PIK3AP1: variants seen among roughly 807,000 people sequenced by gnomAD.
PIK3AP1 encodes phosphoinositide 3-kinase adapter protein 1.
PIK3AP1 carries 21 observed loss-of-function variants against 88.1 expected under a neutral mutation model. The observed-to-expected ratio is 0.24, with a 90% CI of 0.17 to 0.34. The LOEUF is 0.34. Ranked by LOEUF, PIK3AP1 falls within the 10% of genes least tolerant of loss-of-function variation. The pLI is 1.00. For synonymous variants in PIK3AP1, 398 were observed against 400.0 expected (o/e 1.00, Z 0.06); for missense variants, 828 against 1,035.7 (o/e 0.80, Z 2.75).
At chr10:96,693,513 T>A (rs539476572) in intron 2 of PIK3AP1, among the ~76,000 whole-genome samples, 1 of 152,152 alleles carries the variant, frequency 6.6e-6, no homozygotes, top group African/African-American at 2.4e-5. Context: ...ACTAAAATGT[T>A]GAATACTTCT....
intron 2 of PIK3AP1, among the ~76,000 whole-genome samples, chr10:96,699,311 G>A (rs1193398325): frequency 2.0e-5 from 3 of 152,034 alleles, no homozygotes; most frequent in Admixed American, 6.6e-5. Context: ...CTGAACATTC[G>A]AAATCTGTGT....
At chr10:96,665,779 A>C (rs541414245) in intron 2 of PIK3AP1, among the ~76,000 whole-genome samples, 1 of 152,312 alleles carries the variant, frequency 6.6e-6, no homozygotes, top group African/African-American at 2.4e-5. Flanking sequence ...AGAAGGGGGC[A>C]GGATGATATG....
intron 14 of PIK3AP1, among the ~76,000 whole-genome samples, chr10:96,605,448 C>T (rs1355268306): frequency 2.0e-5 from 3 of 152,086 alleles, no homozygotes; most frequent in Non-Finnish European, 4.4e-5. Context: ...TAGAAGAAAG[C>T]CCAGGACATG....
At chr10:96,616,328 G>A (rs1849214667) in intron 13 of PIK3AP1, among the ~76,000 whole-genome samples, 1 of 152,218 alleles carries the variant, frequency 6.6e-6, no homozygotes. Flanking sequence ...TTGCCAAGGG[G>A]AGAGTCAGAT....
chr10:96,641,610 AG>A (rs1843390562), intron 8 of PIK3AP1, among the ~76,000 whole-genome samples: 2 of 152,192 alleles, frequency 1.3e-5, no homozygotes, highest in Admixed American at 1.3e-4. Context: ...TGCAGACCCT[AG>A]AAGGGCAGGC....
chr10:96,709,815 A>C lies in PIK3AP1; in HGVS notation c.182T>G (p.Phe61Cys), dbSNP rs1295938169. The change falls in exon 2 of 17, where the codon TTC becomes TGC. Residue 61 changes from phenylalanine (F) to cysteine (C), a missense_variant. Around this residue, in one of 3 missense-constraint regions of PIK3AP1, gnomAD observed 610 missense variants for 760.1 expected, o/e 0.80. Coordinates refer to ENST00000339364, the MANE Select transcript of PIK3AP1 (RefSeq NM_152309.3). ...ASFSAEDLSL[F>C]LSTRCVVVLL... ...CACCACGACACAGCGGGTGCTGAGGAAAAGGCTTAGGTCCTCTGCCGAGAA... is the reference window on the plus strand; with the variant it reads ...CACCACGACACAGCGGGTGCTGAGGCAAAGGCTTAGGTCCTCTGCCGAGAA... The C allele has an allele frequency of 1.9e-6, 3 of 1,613,728 alleles. No individual in the cohort carries two copies. Among genetic ancestry groups the C allele is most frequent in the South Asian group, 1.1e-5 (1 of 91,058 alleles).
intron 2 of PIK3AP1, among the ~76,000 whole-genome samples, chr10:96,657,219 C>T (rs1184922364): frequency 6.6e-6 from 1 of 152,054 alleles, no homozygotes; most frequent in Non-Finnish European, 1.5e-5. Flanking sequence ...AATGGGTTTC[C>T]GGAAGCTTTA....
At chr10:96,598,363 G>A (rs1848819146) in intron 16 of PIK3AP1, among the ~76,000 whole-genome samples, 1 of 152,040 alleles carries the variant, frequency 6.6e-6, no homozygotes, top group Non-Finnish European at 1.5e-5. Flanking sequence ...GGCCAAGAGT[G>A]TGAAGTTTCT....
In PIK3AP1 at chr10:96,683,559, A is replaced by C. The variant is rs545975625; in HGVS notation, c.430+26008T>G. Among the ~76,000 whole-genome samples the C allele has an allele frequency of 1.2e-4, 19 of 152,322 alleles. No individual in the cohort carries two copies. The South Asian group carries it at 2.1e-3, about 17-fold the overall frequency. On this transcript the variant is annotated intron_variant, in intron 2 of 16. Transcript: ENST00000339364. ...TCATCACTTCTATACATCTCATTCC[A>C]TTGCTACTTAGAATCCCAGAAACTG... is the stretch of plus-strand genomic sequence containing the variant.
intron 16 of PIK3AP1, among the ~76,000 whole-genome samples, chr10:96,597,250 C>CTTTT (rs1436451533): frequency 1.3e-5 from 2 of 150,132 alleles, no homozygotes; most frequent in African/African-American, 4.9e-5. Flanking sequence ...TCTCTGCCTT[C>CTTTT]TTTTTTTCTT....
In PIK3AP1 at chr10:96,720,489, C is replaced by T; in HGVS notation, c.-95G>A. ...TGGCTCGGGCTGGAGGGGCGCCGGG[C>T]TCCGCGCGGGACCGGCCGCCGCTCT... On this transcript the variant is annotated 5_prime_UTR_variant, in exon 1 of 17. Coordinates refer to ENST00000339364, the MANE Select transcript of PIK3AP1 (RefSeq NM_152309.3). This position sits in a 1 kb window ranked among gnomAD's most constrained non-coding sequence, Gnocchi z 4.6. 1.8e-6 allele frequency: 2 copies of T among 1,128,794 alleles called. No individual in the cohort carries two copies. The highest frequency in any genetic ancestry group is 2.2e-6 in the Non-Finnish European group (2 of 904,622). 69.9% of individuals were successfully genotyped at this position (1,128,794 alleles called of 1,614,324 possible).
At chr10:96,687,976 G>A (rs942989613) in intron 2 of PIK3AP1, among the ~76,000 whole-genome samples, 5 of 152,172 alleles carry the variant, frequency 3.3e-5, no homozygotes, top group Non-Finnish European at 7.4e-5. Context: ...TCACAGAGCT[G>A]GTTTGGAGCA....
chr10:96,628,508 A>G lies in PIK3AP1; in HGVS notation c.1376-15T>C. On this transcript the variant is annotated splice_polypyrimidine_tract_variant and intron_variant, in intron 8 of 16. Coordinates refer to ENST00000339364, the MANE Select transcript of PIK3AP1 (RefSeq NM_152309.3). ...CATTTCAACATCTAGAAGGAAAAGG[A>G]GACTAAGAGTTATATATTGGTCTCC... is the stretch of plus-strand genomic sequence containing the variant. 1.3e-6 allele frequency: 2 copies of G among 1,588,228 alleles called. No individual in the cohort carries two copies. The highest frequency in any genetic ancestry group is 1.7e-6 in the Non-Finnish European group (2 of 1,156,520).
In PIK3AP1 at chr10:96,709,814, G is replaced by A; in HGVS notation, c.183C>T (p.Phe61=). The A allele has an allele frequency of 1.9e-6, 3 of 1,613,822 alleles. No homozygotes were observed. The highest frequency in any genetic ancestry group is 2.5e-6 in the Non-Finnish European group (3 of 1,179,780). ...GCACCACGACACAGCGGGTGCTGAG[G>A]AAAAGGCTTAGGTCCTCTGCCGAGA... is the stretch of plus-strand genomic sequence containing the variant. ...ASFSAEDLSL[F]LSTRCVVVLL... The change falls in exon 2 of 17, where the codon TTC becomes TTT. Residue 61 remains phenylalanine (F), a synonymous_variant. Transcript: ENST00000339364.
intron 11 of PIK3AP1, 113 bp downstream of exon 11, chr10:96,623,358 TG>T: frequency 1.9e-6 from 2 of 1,046,780 alleles, no homozygotes; most frequent in Non-Finnish European, 2.8e-6. Flanking sequence ...CCATGATGCC[TG>T]GCCTAGATCC....
chr10:96,665,264 C>A (rs1843745335), intron 2 of PIK3AP1, among the ~76,000 whole-genome samples: 1 of 152,182 alleles, frequency 6.6e-6, no homozygotes, highest in African/African-American at 2.4e-5. Context: ...TATAAAGGAT[C>A]CATGTAATAA....
chr10:96,621,863 C>T (rs1843088634), intron 11 of PIK3AP1, among the ~76,000 whole-genome samples: 1 of 152,232 alleles, frequency 6.6e-6, no homozygotes, highest in African/African-American at 2.4e-5. Flanking sequence ...GCATCCCTGG[C>T]TTCTACCCAT....
intron 14 of PIK3AP1, among the ~76,000 whole-genome samples, chr10:96,604,799 C>T (rs2134184502): frequency 6.6e-6 from 1 of 152,318 alleles, no homozygotes; most frequent in East Asian, 1.9e-4. Context: ...GCAGACACGC[C>T]TTGTAATAAG....
At chr10:96,700,736 C>G (rs1476839426) in intron 2 of PIK3AP1, 1 of 865,696 alleles carries the variant, frequency 1.2e-6, no homozygotes, top group Non-Finnish European at 1.4e-6. Flanking sequence ...TCAAGAGATC[C>G]AAGCCTAGAT....
Sources: gnomAD v4.1 joint callset for allele counts (sites outside exome capture counted in the v4.1 genomes callset) on GRCh38, gnomAD v4.1.1 for gene constraint, gnomAD v4.1.1 regional missense constraint, Gnocchi (gnomAD v3.1) non-coding constraint, MANE v1.5 for transcripts, NCBI Gene and HGNC (gene_info 2026-07-23, HGNC 2026-07-21) for gene names.